Variants in DDR1 observed in about 807,000 individuals in gnomAD.
DDR1 encodes the protein epithelial discoidin domain-containing receptor 1.
In DDR1, 64 loss-of-function variants were observed where a neutral mutation model predicts 97.4. The ratio of observed to expected loss-of-function variants is 0.66; its 90% confidence interval spans 0.54 to 0.81. The LOEUF (loss-of-function observed/expected upper bound fraction) is 0.81, where lower values mean the gene tolerates loss of function less well. Ranked by LOEUF, DDR1 falls within the 30% of genes least tolerant of loss-of-function variation. The pLI is 0.00. For missense variants in DDR1, 990 were observed against 1,259.6 expected (o/e 0.79, Z 3.24); for synonymous variants, 458 against 503.7 (o/e 0.91, Z 1.21).
In DDR1 at chr6:30,886,580, A is replaced by G. The variant is rs1348500314; in HGVS notation, c.-43+1870A>G. 1 of 152,074 alleles carries G rather than the reference A, an allele frequency of 6.6e-6. No individual in the cohort carries two copies. The highest frequency in any genetic ancestry group is 2.4e-5 in the African/African-American group (1 of 41,362). 9.4% of individuals were successfully genotyped at this position (152,074 alleles called of 1,614,324 possible). A position where few individuals can be genotyped will look rare whatever the true frequency, so the allele number is the denominator to read the frequency against. On this transcript the variant is annotated intron_variant, in intron 1 of 17. Coordinates refer to ENST00000376568, the MANE Select transcript of DDR1 (RefSeq NM_001297654.2). This position sits in a 1 kb window ranked among gnomAD's most constrained non-coding sequence, Gnocchi z 4.6. Reference sequence around the variant, plus strand: ...TGGGGGAGTATCCCCCACTCCTCCTACCTCCTGGGGTGACCTGCCTTCCTT... The same window carrying G: ...TGGGGGAGTATCCCCCACTCCTCCTGCCTCCTGGGGTGACCTGCCTTCCTT...
chr6:30,884,895 G>C lies in DDR1; in HGVS notation c.-43+185G>C. 1 of 371,742 alleles carries C rather than the reference G, an allele frequency of 2.7e-6. No homozygotes were observed. The highest frequency in any genetic ancestry group is 4.8e-6 in the Non-Finnish European group (1 of 206,790). The allele number at this position is 371,742 out of a possible 1,614,324, so 23.0% of individuals were successfully genotyped here. A position where few individuals can be genotyped will look rare whatever the true frequency, so the allele number is the denominator to read the frequency against. On this transcript the variant is annotated intron_variant, in intron 1 of 17. Transcript: ENST00000376568. The surrounding 1 kb of genome is among the most constrained non-coding windows in gnomAD (Gnocchi z 6.1). ...CTCTGGCATACCGTCTGAAAACCGG[G>C]GGCGGGGACTGGGTGGAGGTGAAGC...
intron 1 of DDR1, chr6:30,885,105 C>T: frequency 8.0e-7 from 1 of 1,253,476 alleles, no homozygotes; most frequent in Non-Finnish European, 1.1e-6. Flanking sequence ...TCCGCTCAGC[C>T]AACACCCAGT....
Position 30,899,406 on chromosome 6 carries a change from A to G in DDR1, c.*110A>G. On this transcript the variant is annotated 3_prime_UTR_variant, in exon 18 of 18. Coordinates refer to ENST00000376568, the MANE Select transcript of DDR1 (RefSeq NM_001297654.2). ...GCCCTTCCCCTCCCGACAGCCCATC[A>G]CCTCTAATAGAGGCAGTGAGACTGC... is the stretch of plus-strand genomic sequence containing the variant. 3.6e-6 allele frequency: 5 copies of G among 1,407,440 alleles called. No homozygotes were observed. Among genetic ancestry groups the G allele is most frequent in the Non-Finnish European group, 4.8e-6 (5 of 1,050,074 alleles). 87.2% of individuals were successfully genotyped at this position (1,407,440 alleles called of 1,614,324 possible). A position where few individuals can be genotyped will look rare whatever the true frequency, so the allele number is the denominator to read the frequency against.
intron 1 of DDR1, chr6:30,885,478 C>A: frequency 2.1e-6 from 2 of 965,536 alleles, no homozygotes; most frequent in Non-Finnish European, 3.0e-6. Flanking sequence ...CCTGCCCCCT[C>A]GACGTCCCTC....
At chr6:30,899,095 G>A (rs2859463) in intron 17 of DDR1, 58 bp downstream of exon 17, 2 of 1,614,028 alleles carry the variant, frequency 1.2e-6, no homozygotes, top group Non-Finnish European at 1.7e-6. Flanking sequence ...GGGCAGAGTT[G>A]TCATCTTGGA....
At chr6:30,898,386 T>C in intron 16 of DDR1, 79 bp downstream of exon 16, 1 of 1,027,682 alleles carries the variant, frequency 9.7e-7, no homozygotes, top group Non-Finnish European at 1.5e-6. Flanking sequence ...CTGGTCTCCA[T>C]CAGTCACACA....
In DDR1 at chr6:30,892,144, ATGGAGT is replaced by A; in HGVS notation, c.810_815del (p.Met270_Phe272delinsIle). The A allele has an allele frequency of 3.7e-6, 6 of 1,614,076 alleles. No individual in the cohort carries two copies. The highest frequency in any genetic ancestry group is 5.1e-6 in the Non-Finnish European group (6 of 1,179,976). ...CAGCTTCTCCAGTGGCTATGTGGAG[ATGGAGT>A]TTGAGTTTGACCGGCTGAGGGCCTT... On this transcript the variant is annotated inframe_deletion, in exon 7 of 18. Coordinates refer to ENST00000376568, the MANE Select transcript of DDR1 (RefSeq NM_001297654.2).
In DDR1 at chr6:30,891,547, G is replaced by GTT. The variant is rs1554256391; in HGVS notation, c.665+69_665+70insTT. The GTT allele has an allele frequency of 5.0e-5, 48 of 960,940 alleles. No homozygotes were observed. The highest frequency in any genetic ancestry group is 2.2e-4 in the Middle Eastern group (1 of 4,648). 59.5% of individuals were successfully genotyped at this position (960,940 alleles called of 1,614,324 possible). A position where few individuals can be genotyped will look rare whatever the true frequency, so the allele number is the denominator to read the frequency against. On this transcript the variant is annotated intron_variant, in intron 6 of 17. Transcript: ENST00000376568. The surrounding 1 kb of genome is among the most constrained non-coding windows in gnomAD (Gnocchi z 5.3). ...GAGGACTGTGTGTGTGTGTGTGTGT[G>GTT]TGTGTGTGTGAGAGTGTGTGTGTGT...
At position 30,900,126 on chromosome 6, in the gene DDR1, C is replaced by T; in HGVS notation, c.*830C>T. 1.7e-6 allele frequency: 1 copy of T among 584,108 alleles called. No individual in the cohort carries two copies. The highest frequency in any genetic ancestry group is 3.3e-6 in the Non-Finnish European group (1 of 301,786). The allele number at this position is 584,108 out of a possible 1,614,324, so 36.2% of individuals were successfully genotyped here. On this transcript the variant is annotated 3_prime_UTR_variant, in exon 18 of 18. Coordinates refer to ENST00000376568, the MANE Select transcript of DDR1 (RefSeq NM_001297654.2). ...GGCAATTTTAATCCCCTGCACTAGGCAGGTAATAATAAAGGTTGAGTTTTC... is the reference window on the plus strand; with the variant it reads ...GGCAATTTTAATCCCCTGCACTAGGTAGGTAATAATAAAGGTTGAGTTTTC...
In DDR1 at chr6:30,898,920, C is replaced by T. The variant is rs1791943813; in HGVS notation, c.2484C>T (p.Ala828=). 3 of 1,613,232 alleles carry T rather than the reference C, an allele frequency of 1.9e-6. No individual in the cohort carries two copies. The highest frequency in any genetic ancestry group is 2.2e-5 in the South Asian group (2 of 91,066). The change falls in exon 17 of 18, where the codon GCC becomes GCT. Residue 828 remains alanine, a synonymous_variant. Coordinates refer to ENST00000376568, the MANE Select transcript of DDR1 (RefSeq NM_001297654.2). The stretch of plus-strand genomic sequence containing the variant: ...TCACGACTGCGAGTGACGTGTGGGC[C>T]TTTGGTGTGACCCTGTGGGAGGTGC... ...GKFTTASDVW[A]FGVTLWEVLM... is the part of the protein sequence containing the mutation.
At chr6:30,885,444 T>G in intron 1 of DDR1, 1 of 846,164 alleles carries the variant, frequency 1.2e-6, no homozygotes, top group Non-Finnish European at 1.8e-6. Flanking sequence ...ATTGCCACTC[T>G]TCCCACCCAG....
chr6:30,892,892 A>T (rs1465045890), intron 8 of DDR1, 176 bp from the exon 9 acceptor site: 1 of 637,174 alleles, frequency 1.6e-6, no homozygotes, highest in Non-Finnish European at 2.7e-6. Flanking sequence ...TATAGGGTTA[A>T]CACCCACCAC....
chr6:30,899,129 A>C (rs763636729), intron 17 of DDR1, 27 bp from the exon 18 acceptor site: 2 of 1,613,856 alleles, frequency 1.2e-6, no homozygotes, highest in East Asian at 2.2e-5. Flanking sequence ...TTGTTCCCTG[A>C]CTCTCATCCA....
rs1303631443 is a variant in DDR1, at chr6:30,891,940, T to C, written c.666-62T>C. ...TGTGCCGGAGGGTGGCGGAGCAGAA[T>C]GCCTGGATGTCAAGACCCTCTTCCC... On this transcript the variant is annotated intron_variant, in intron 6 of 17. Transcript: ENST00000376568. This position sits in a 1 kb window ranked among gnomAD's most constrained non-coding sequence, Gnocchi z 5.3. 2 of 1,580,122 alleles carry C rather than the reference T, an allele frequency of 1.3e-6. No individual in the cohort carries two copies. Among genetic ancestry groups the C allele is most frequent in the Non-Finnish European group, 1.7e-6 (2 of 1,153,466 alleles).
At chr6:30,885,518 T>C in intron 1 of DDR1, 1 of 1,265,238 alleles carries the variant, frequency 7.9e-7, no homozygotes, top group Admixed American at 2.8e-5. Context: ...TGTTAGAGGC[T>C]GGGCCCCAGT....
chr6:30,895,762 C>T (rs867301885), intron 12 of DDR1, among the ~76,000 whole-genome samples: 17 of 152,204 alleles, frequency 1.1e-4, no homozygotes, highest in South Asian at 2.1e-4. Context: ...TCCTCTTCCA[C>T]GCCATCTCTT....
chr6:30,885,895 C>A, intron 1 of DDR1: 1 of 1,155,740 alleles, frequency 8.7e-7, no homozygotes, highest in Non-Finnish European at 1.2e-6. Flanking sequence ...GGGAGAGGAG[C>A]GTGAAGGGCT....
chr6:30,894,402 G>A lies in DDR1; in HGVS notation c.1348-104G>A, dbSNP rs531403434. 38 of 1,143,958 alleles carry A rather than the reference G, an allele frequency of 3.3e-5. No individual in the cohort carries two copies. The highest frequency in any genetic ancestry group is 4.7e-5 in the African/African-American group (3 of 63,984). The allele number at this position is 1,143,958 out of a possible 1,614,324, so 70.9% of individuals were successfully genotyped here. On this transcript the variant is annotated intron_variant, in intron 10 of 17. Transcript: ENST00000376568. This position sits in a 1 kb window ranked among gnomAD's most constrained non-coding sequence, Gnocchi z 5.7. ...GTGCTGATAGTATCCACAGCTGTAGGGCTCTTGTGAGGGCTGAGGGAGGGA... is the reference window on the plus strand; with the variant it reads ...GTGCTGATAGTATCCACAGCTGTAGAGCTCTTGTGAGGGCTGAGGGAGGGA...
At position 30,898,885 on chromosome 6, in the gene DDR1, C is replaced by G. The variant is rs747764374; in HGVS notation, c.2452-3C>G. ...TGTTTTTGCTGCCTTCTCTGCATCCCAGGGGAAGTTCACGACTGCGAGTGA... is the reference window on the plus strand; with the variant it reads ...TGTTTTTGCTGCCTTCTCTGCATCCGAGGGGAAGTTCACGACTGCGAGTGA... On this transcript the variant is annotated splice_polypyrimidine_tract_variant and splice_region_variant and intron_variant, in intron 16 of 17. Coordinates refer to ENST00000376568, the MANE Select transcript of DDR1 (RefSeq NM_001297654.2). The G allele has an allele frequency of 6.2e-7, 1 of 1,603,944 alleles. No individual in the cohort carries two copies. Among genetic ancestry groups the G allele is most frequent in the Non-Finnish European group, 8.5e-7 (1 of 1,172,102 alleles).
Sources: allele counts gnomAD v4.1 joint callset (sites outside exome capture counted in the v4.1 genomes callset), GRCh38; gene constraint gnomAD v4.1.1; non-coding constraint Gnocchi (gnomAD v3.1); transcripts MANE v1.5; gene names NCBI Gene and HGNC (gene_info 2026-07-23, HGNC 2026-07-21).